Variants in CSMD1 observed in about 807,000 individuals in gnomAD.
CSMD1 encodes the protein CUB and Sushi multiple domains 1.
A neutral mutation model predicts 417.5 loss-of-function variants in CSMD1; 213 were observed. The ratio of observed to expected loss-of-function variants is 0.51; its 90% CI spans 0.46 to 0.57. CSMD1 has a LOEUF of 0.57. Among genes scored for constraint, CSMD1 ranks in the 20% least tolerant of loss-of-function variants. The pLI is 0.00. For missense variants in CSMD1, 6,923 were observed against 4,529.7 expected (o/e 1.53, Z -15.17); for synonymous variants, 2,862 against 1,736.8 (o/e 1.65, Z -16.11).
At chr8:4,393,074 C>G (rs947014740) in intron 3 of CSMD1, among the ~76,000 whole-genome samples, 1 of 152,126 alleles carries the variant, frequency 6.6e-6, no homozygotes, top group Non-Finnish European at 1.5e-5. Context: ...CTCCGGGGTT[C>G]AAGCGATTCT....
intron 41 of CSMD1, among the ~76,000 whole-genome samples, chr8:3,141,937 A>G (rs923503030): frequency 6.6e-5 from 10 of 151,560 alleles, no homozygotes; most frequent in African/African-American, 2.4e-4. Context: ...AGCTGGGACT[A>G]CAGGCGCCCG....
chr8:3,566,216 G>T (rs1360629130), intron 10 of CSMD1, among the ~76,000 whole-genome samples: 1 of 151,904 alleles, frequency 6.6e-6, no homozygotes, highest in Non-Finnish European at 1.5e-5. Context: ...AGGAGGAGAG[G>T]GAAGAGGAAG....
chr8:3,799,593 T>C (rs62479738), intron 5 of CSMD1, among the ~76,000 whole-genome samples: 40,423 of 151,604 alleles, frequency 0.27, 6,102 homozygotes, highest in Non-Finnish European at 0.34. Context: ...CATCAACTTT[T>C]CATTGGTACA....
chr8:3,951,196 C>T (rs1563246003), intron 5 of CSMD1, among the ~76,000 whole-genome samples: 1 of 152,080 alleles, frequency 6.6e-6, no homozygotes. Flanking sequence ...TGAGACAAGA[C>T]CTGTATAGGT....
chr8:4,005,332 T>C (rs1309421537), intron 4 of CSMD1, among the ~76,000 whole-genome samples: 1 of 152,144 alleles, frequency 6.6e-6, no homozygotes, highest in Non-Finnish European at 1.5e-5. Flanking sequence ...AGACATTCAT[T>C]GTACTTGCAG....
chr8:4,670,914 T>C (rs1328382713), intron 1 of CSMD1, among the ~76,000 whole-genome samples: 2 of 152,166 alleles, frequency 1.3e-5, no homozygotes, highest in African/African-American at 2.4e-5. Context: ...GTGACAAGGA[T>C]AGCTTTATTA....
intron 2 of CSMD1, among the ~76,000 whole-genome samples, chr8:4,549,268 C>T (rs1020268606): frequency 1.8e-4 from 27 of 152,112 alleles, no homozygotes; most frequent in South Asian, 4.2e-4. Context: ...GAAATTATAA[C>T]GGAAGACCAA....
At chr8:3,646,124 A>G (rs1375105412) in intron 7 of CSMD1, among the ~76,000 whole-genome samples, 1 of 152,112 alleles carries the variant, frequency 6.6e-6, no homozygotes, top group African/African-American at 2.4e-5. Context: ...AACCTTTTGA[A>G]GAATGCTTAT....
chr8:4,134,216 G>A (rs1434629380), intron 3 of CSMD1, among the ~76,000 whole-genome samples: 2 of 152,144 alleles, frequency 1.3e-5, no homozygotes, highest in Non-Finnish European at 2.9e-5. Flanking sequence ...CTTACACGCT[G>A]AATTGTGTCT....
At chr8:4,081,798 C>A (rs190283959) in intron 3 of CSMD1, among the ~76,000 whole-genome samples, 1 of 152,068 alleles carries the variant, frequency 6.6e-6, no homozygotes, top group East Asian at 1.9e-4. Flanking sequence ...CTTGAATACA[C>A]AATGGATCAA....
At position 3,366,958 on chromosome 8, in the gene CSMD1, C is replaced by A. The variant is rs549921795; in HGVS notation, c.3115+74G>T. On this transcript the variant is annotated intron_variant, in intron 20 of 69. Coordinates refer to ENST00000635120, the MANE Select transcript of CSMD1 (RefSeq NM_033225.6). ...GCACACATTACACACACACACACAC[C>A]CACACACATTCTCACTAACAGAAAT... 47 of 1,114,408 alleles carry A rather than the reference C, an allele frequency of 4.2e-5. 1 individual carries two copies. The highest frequency in any genetic ancestry group is 1.5e-4 in the East Asian group (6 of 40,098). The allele number at this position is 1,114,408 out of a possible 1,614,324, so 69.0% of individuals were successfully genotyped here. A position where few individuals can be genotyped will look rare whatever the true frequency, so the allele number is the denominator to read the frequency against.
intron 25 of CSMD1, among the ~76,000 whole-genome samples, chr8:3,287,015 G>A (rs1251960209): frequency 6.6e-6 from 1 of 152,014 alleles, no homozygotes; most frequent in Non-Finnish European, 1.5e-5. Flanking sequence ...GTGTAAGGAA[G>A]GGATCCAGTT....
intron 7 of CSMD1, among the ~76,000 whole-genome samples, chr8:3,644,441 G>T (rs1585009993): frequency 6.6e-6 from 1 of 152,316 alleles, no homozygotes; most frequent in Non-Finnish European, 1.5e-5. Flanking sequence ...AATAGGCACG[G>T]TAGAAAGAAA....
intron 15 of CSMD1, among the ~76,000 whole-genome samples, chr8:3,404,671 G>C (rs539469775): frequency 6.6e-6 from 1 of 152,184 alleles, no homozygotes; most frequent in South Asian, 2.1e-4. Flanking sequence ...TAAACTAAGA[G>C]GGAAAAATCA....
At chr8:4,614,276 CACCTAA>C (rs1801351018) in intron 2 of CSMD1, among the ~76,000 whole-genome samples, 1 of 152,168 alleles carries the variant, frequency 6.6e-6, no homozygotes, top group Non-Finnish European at 1.5e-5. Flanking sequence ...TTGTGTTTCA[CACCTAA>C]ACGGACTGGA....
intron 4 of CSMD1, among the ~76,000 whole-genome samples, chr8:4,024,118 C>T (rs907754750): frequency 1.3e-5 from 2 of 151,892 alleles, no homozygotes; most frequent in African/African-American, 2.4e-5. Context: ...AATGGAAAGA[C>T]AAGAGATGTT....
rs1160043153 is a variant in CSMD1, at chr8:3,551,594, A to AT, written c.1344+23350dup. 6.7e-4 allele frequency among the ~76,000 whole-genome samples: 70 copies of AT among 103,716 alleles called. No homozygotes were observed. The East Asian group carries it at 0.011, about 16-fold the overall frequency. The allele number at this position is 103,716 out of a possible 152,430, so 68.0% of individuals were successfully genotyped here. ...AATAAATATGTATATATATATATATATATTTTTTTTTTTTTTTTTTCTGAA... is the reference window on the plus strand; with the variant it reads ...AATAAATATGTATATATATATATATATTATTTTTTTTTTTTTTTTTTCTGAA... On this transcript the variant is annotated intron_variant, in intron 10 of 69. Coordinates refer to ENST00000635120, the MANE Select transcript of CSMD1 (RefSeq NM_033225.6).
chr8:3,814,499 T>C (rs1801265072), intron 5 of CSMD1, among the ~76,000 whole-genome samples: 1 of 152,166 alleles, frequency 6.6e-6, no homozygotes, highest in Admixed American at 6.5e-5. Context: ...GCCGAATTCA[T>C]CCTCCCTTCC....
At chr8:4,170,060 G>C (rs1448817053) in intron 3 of CSMD1, among the ~76,000 whole-genome samples, 2 of 151,810 alleles carry the variant, frequency 1.3e-5, no homozygotes, top group South Asian at 2.1e-4. Context: ...AAAACCTCTA[G>C]GTAAGGAATT....
Sources: gnomAD v4.1 joint callset for allele counts (sites outside exome capture counted in the v4.1 genomes callset) on GRCh38, gnomAD v4.1.1 for gene constraint, MANE v1.5 for transcripts, NCBI Gene and HGNC (gene_info 2026-07-23, HGNC 2026-07-21) for gene names.